Variants in WNT5A observed in about 807,000 individuals in gnomAD.
WNT5A encodes the protein Wnt family member 5A.
WNT5A carries 9 observed loss-of-function variants against 42.1 expected under a neutral mutation model. That is an observed-to-expected ratio of 0.21 (90% CI 0.13 to 0.37). WNT5A has a LOEUF of 0.37. Among genes scored for constraint, WNT5A ranks in the 10% least tolerant of loss-of-function variants. The pLI is 1.00. For synonymous variants in WNT5A, 210 were observed against 210.0 expected (o/e 1.00, Z 0.00); for missense variants, 426 against 534.0 (o/e 0.80, Z 1.99).
intron 1 of WNT5A, 62 bp from the exon 2 acceptor site, chr3:55,480,980 T>C: frequency 2.2e-6 from 3 of 1,359,668 alleles, no homozygotes; most frequent in Non-Finnish European, 2.9e-6. Context: ...AGCATACAAG[T>C]TTAAACAACG....
At chr3:55,474,213 A>C in intron 4 of WNT5A, 124 bp downstream of exon 4, 1 of 1,217,334 alleles carries the variant, frequency 8.2e-7, no homozygotes, top group South Asian at 1.4e-5. Flanking sequence ...AGAGAGATAG[A>C]GACAGGACCA....
chr3:55,482,806 A>G (rs2051493975), intron 1 of WNT5A, among the ~76,000 whole-genome samples: 1 of 151,612 alleles, frequency 6.6e-6, no homozygotes, highest in African/African-American at 2.4e-5. Context: ...CAGGGGAGGG[A>G]GTGGGCTGCA....
chr3:55,492,990 T>A (rs1344926398), upstream of WNT5A, among the ~76,000 whole-genome samples: 1 of 152,232 alleles, frequency 6.6e-6, no homozygotes, highest in Non-Finnish European at 1.5e-5. Context: ...CTCAGCTCAA[T>A]GGAACTGTCA....
chr3:55,479,705 G>T, intron 2 of WNT5A, 141 bp from the exon 3 acceptor site: 17 of 1,236,696 alleles, frequency 1.4e-5, no homozygotes, highest in Non-Finnish European at 1.9e-5. Context: ...GTATGAGAAG[G>T]GCTTCATAAA....
intron 4 of WNT5A, among the ~76,000 whole-genome samples, chr3:55,473,598 C>T (rs559319348): frequency 6.6e-5 from 10 of 152,342 alleles, no homozygotes; most frequent in African/African-American, 2.4e-4. Flanking sequence ...GCTCTCTTCT[C>T]TCCAGAGCTA....
intron 4 of WNT5A, 143 bp from the exon 5 acceptor site, chr3:55,470,693 A>G (rs1301549398): frequency 5.2e-6 from 4 of 764,990 alleles, no homozygotes; most frequent in African/African-American, 3.5e-5. Context: ...CTTCATTACC[A>G]GAAGTCTTAT....
At chr3:55,485,184 GGA>G (rs2051553258) in intron 1 of WNT5A, among the ~76,000 whole-genome samples, 1 of 152,104 alleles carries the variant, frequency 6.6e-6, no homozygotes, top group East Asian at 1.9e-4. Flanking sequence ...AGCAGGGGTG[GGA>G]GGGAGAGGGG....
Position 55,487,085 on chromosome 3 carries a change from G to T in WNT5A, c.-100C>A, listed in dbSNP as rs1451676051. On this transcript the variant is annotated 5_prime_UTR_variant, in exon 1 of 5. Coordinates refer to ENST00000264634, the MANE Select transcript of WNT5A (RefSeq NM_003392.7). ...GGGTTAAGCCTGGGGGGACGGTCAG[G>T]AGCAGGGCTGCGGAGTCCTCCGGCG... is the stretch of plus-strand genomic sequence containing the variant. 8 of 1,064,794 alleles carry T rather than the reference G, an allele frequency of 7.5e-6. No homozygotes were observed. Among genetic ancestry groups the T allele is most frequent in the East Asian group, 2.4e-5 (1 of 41,038 alleles). 66.0% of individuals were successfully genotyped at this position (1,064,794 alleles called of 1,614,324 possible). A position where few individuals can be genotyped will look rare whatever the true frequency, so the allele number is the denominator to read the frequency against.
chr3:55,488,002 A>AGAGCAGC (rs1437118307), upstream of WNT5A: 1 of 152,184 alleles, frequency 6.6e-6, no homozygotes, highest in Admixed American at 6.5e-5. Flanking sequence ...CGAAGGGCGA[A>AGAGCAGC]GAGCAGCGAG....
chr3:55,490,666 A>G (rs1228106947), upstream of WNT5A: 2 of 152,234 alleles, frequency 1.3e-5, no homozygotes, highest in Non-Finnish European at 2.9e-5. Context: ...CTGGCACTCA[A>G]TGCCTGCTCT....
At chr3:55,482,314 G>A (rs948299401) in intron 1 of WNT5A, among the ~76,000 whole-genome samples, 1 of 152,234 alleles carries the variant, frequency 6.6e-6, no homozygotes, top group African/African-American at 2.4e-5. Flanking sequence ...TGTAGGCGGC[G>A]GCGGAGCGAG....
upstream of WNT5A, among the ~76,000 whole-genome samples, chr3:55,488,967 T>C (rs2051624503): frequency 6.6e-6 from 1 of 151,790 alleles, no homozygotes; most frequent in African/African-American, 2.4e-5. Flanking sequence ...GGGACTTGGG[T>C]AGTGGGATGC....
chr3:55,485,303 G>A (rs1374758195), intron 1 of WNT5A, among the ~76,000 whole-genome samples: 2 of 150,438 alleles, frequency 1.3e-5, no homozygotes, highest in Admixed American at 1.3e-4. Context: ...AGAAAAGGCC[G>A]CGGGGATGGC....
upstream of WNT5A, among the ~76,000 whole-genome samples, chr3:55,491,984 G>T (rs2051664936): frequency 6.6e-6 from 1 of 152,188 alleles, no homozygotes; most frequent in South Asian, 2.1e-4. Context: ...GCCTGTGGGG[G>T]GCAAAGGCTC....
Position 55,470,351 on chromosome 3 carries a change from G to A in WNT5A, c.884C>T (p.Thr295Ile), listed in dbSNP as rs1277424205. Reference sequence around the variant, plus strand: ...GTCGATGTAGACCAGGTCTTGTGTGGTGGGCGAGTTGAAGCGGCTGTTGAC... The same window carrying A: ...GTCGATGTAGACCAGGTCTTGTGTGATGGGCGAGTTGAAGCGGCTGTTGAC... ...VQVNSRFNSPTTQDLVYIDPS... is the reference protein window; with the variant it reads ...VQVNSRFNSPITQDLVYIDPS... Residue 295 changes from threonine (T) to isoleucine (I), a missense_variant, in exon 5 of 5, where the codon ACC becomes ATC. Physicochemically the swap from Thr to Ile is moderately conservative, Grantham distance 89. Transcript: ENST00000264634. 6.2e-7 allele frequency: 1 copy of A among 1,613,944 alleles called. No homozygotes were observed. The highest frequency in any genetic ancestry group is 8.5e-7 in the Non-Finnish European group (1 of 1,179,916).
chr3:55,488,706 G>A (rs1376729031), upstream of WNT5A, among the ~76,000 whole-genome samples: 6 of 152,090 alleles, frequency 3.9e-5, no homozygotes, highest in South Asian at 4.1e-4. Context: ...CTGCCTGCCT[G>A]CCGCCTGGTT....
At chr3:55,471,479 C>G (rs1308886142) in intron 4 of WNT5A, among the ~76,000 whole-genome samples, 1 of 152,232 alleles carries the variant, frequency 6.6e-6, no homozygotes, top group African/African-American at 2.4e-5. Context: ...TCTGCGAAGG[C>G]AGCAGTGGTG....
intron 3 of WNT5A, among the ~76,000 whole-genome samples, chr3:55,478,234 T>C (rs2106939202): frequency 6.6e-6 from 1 of 152,316 alleles, no homozygotes; most frequent in East Asian, 1.9e-4. Context: ...ATTATTTTAG[T>C]TTATAAAACC....
rs1404834929 is a variant in WNT5A, at chr3:55,470,360, T to C, written c.875A>G (p.Asn292Ser). 3 of 1,613,944 alleles carry C rather than the reference T, an allele frequency of 1.9e-6. No homozygotes were observed. In the South Asian group the frequency reaches 3.3e-5, roughly 18 times the overall value. ...GKLVQVNSRF[N>S]SPTTQDLVYI... The stretch of plus-strand genomic sequence containing the variant: ...GACCAGGTCTTGTGTGGTGGGCGAG[T>C]TGAAGCGGCTGTTGACCTGTACCAA... The change falls in exon 5 of 5, where the codon AAC (asparagine) becomes AGC (serine). Residue 292 changes from asparagine to serine, a missense_variant. Asn to Ser is a conservative substitution (Grantham distance 46). Around this residue, in one of 3 missense-constraint regions of WNT5A, gnomAD observed 358 missense variants for 468.1 expected, o/e 0.76. Coordinates refer to ENST00000264634, the MANE Select transcript of WNT5A (RefSeq NM_003392.7).
Sources: gnomAD v4.1 joint callset for allele counts (sites outside exome capture counted in the v4.1 genomes callset) on GRCh38, gnomAD v4.1.1 for gene constraint, gnomAD v4.1.1 regional missense constraint, MANE v1.5 for transcripts, NCBI Gene and HGNC (gene_info 2026-07-23, HGNC 2026-07-21) for gene names.